CADPS: variants seen among roughly 807,000 people sequenced by gnomAD.
CADPS encodes the protein calcium-dependent secretion activator 1.
A neutral mutation model predicts 167.3 loss-of-function variants in CADPS; 57 were observed. The observed-to-expected ratio is 0.34, with a 90% CI of 0.28 to 0.42. The LOEUF is 0.42. CADPS is among the 20% of genes least tolerant of loss of function. The pLI is 1.00. For missense variants in CADPS, 1,414 were observed against 1,738.1 expected (o/e 0.81, Z 3.32); for synonymous variants, 676 against 635.3 (o/e 1.06, Z -0.96).
At chr3:62,660,205 A>G (rs1244662958) in intron 4 of CADPS, among the ~76,000 whole-genome samples, 1 of 152,182 alleles carries the variant, frequency 6.6e-6, no homozygotes, top group Non-Finnish European at 1.5e-5. Context: ...AGTAAATTAA[A>G]GGTGCCATGA....
At chr3:62,628,562 C>T (rs2064577731) in intron 6 of CADPS, among the ~76,000 whole-genome samples, 1 of 150,872 alleles carries the variant, frequency 6.6e-6, no homozygotes, top group Non-Finnish European at 1.5e-5. Context: ...CTGTTTTGCC[C>T]CTACTGCTTC....
chr3:62,512,141 G>C (rs545163098), intron 17 of CADPS, among the ~76,000 whole-genome samples: 1 of 152,100 alleles, frequency 6.6e-6, no homozygotes, highest in Admixed American at 6.6e-5. Flanking sequence ...ATTTATTAAA[G>C]TTTTAAGTCA....
chr3:62,476,587 C>T (rs1402597620), intron 23 of CADPS, among the ~76,000 whole-genome samples: 3 of 152,144 alleles, frequency 2.0e-5, no homozygotes, highest in Non-Finnish European at 4.4e-5. Flanking sequence ...CTGTGCAGCT[C>T]ACCCTCTTTA....
intron 3 of CADPS, among the ~76,000 whole-genome samples, chr3:62,667,911 C>T (rs113846258): frequency 7.1e-4 from 108 of 152,246 alleles, no homozygotes; most frequent in African/African-American, 2.4e-3. Context: ...AAGAAATTGT[C>T]AAAGGGCCTG....
chr3:62,668,349 C>A (rs1408547430), intron 3 of CADPS, among the ~76,000 whole-genome samples: 1 of 152,120 alleles, frequency 6.6e-6, no homozygotes, highest in African/African-American at 2.4e-5. Context: ...GGTGTGGCCC[C>A]CTGCTGAGCT....
At position 62,474,170 on chromosome 3, in the gene CADPS, T is replaced by TTTTTTTTTTTTTTTTTTTTTTG; in HGVS notation, c.3477+2_3477+3insCAAAAAAAAAAAAAAAAAAAAA. On this transcript the variant is annotated splice_region_variant and intron_variant, in intron 24 of 29. Transcript: ENST00000383710. ...AAATCTGTATTTTTTTTTTTTTTTT[T>TTTTTTTTTTTTTTTTTTTTTTG]ACCTCTTGGCCCATTTCCATGCTGC... 6.8e-7 allele frequency: 1 copy of TTTTTTTTTTTTTTTTTTTTTTG among 1,475,400 alleles called. No individual in the cohort carries two copies. The highest frequency in any genetic ancestry group is 2.4e-5 in the East Asian group (1 of 41,320). 91.4% of individuals were successfully genotyped at this position (1,475,400 alleles called of 1,614,324 possible).
intron 1 of CADPS, among the ~76,000 whole-genome samples, chr3:62,843,521 A>G (rs62242385): frequency 4.9e-5 from 6 of 123,244 alleles, no homozygotes; most frequent in South Asian, 2.7e-4. Context: ...GTGTGTGTCT[A>G]TGTGTGTACA....
intron 6 of CADPS, among the ~76,000 whole-genome samples, chr3:62,600,218 G>A (rs2059760061): frequency 1.3e-5 from 2 of 150,936 alleles, no homozygotes; most frequent in African/African-American, 4.9e-5. Flanking sequence ...GCATGCAGAG[G>A]ATACTCAGCA....
chr3:62,834,311 G>T (rs1000130053), intron 1 of CADPS, among the ~76,000 whole-genome samples: 2 of 152,082 alleles, frequency 1.3e-5, no homozygotes, highest in African/African-American at 4.8e-5. Flanking sequence ...GCTTTCAACT[G>T]GCCCCATCTA....
chr3:62,700,025 C>A (rs925900876), intron 3 of CADPS, among the ~76,000 whole-genome samples: 1 of 152,128 alleles, frequency 6.6e-6, no homozygotes, highest in Non-Finnish European at 1.5e-5. Flanking sequence ...TGTTTGCCAA[C>A]CCCTATTCTA....
chr3:62,761,729 C>T (rs1348657120), intron 2 of CADPS, among the ~76,000 whole-genome samples: 3 of 151,856 alleles, frequency 2.0e-5, no homozygotes, highest in Non-Finnish European at 4.4e-5. Context: ...ATATTTTGGA[C>T]ATTTTTCTTA....
At chr3:62,499,688 T>C (rs2065406194) in intron 17 of CADPS, 2 of 154,176 alleles carry the variant, frequency 1.3e-5, no homozygotes. Context: ...AGTTATTAAA[T>C]GCTACAGCGT....
rs1384691542 is a variant in CADPS at position 62,499,261 on chromosome 3, T to A, written c.2607A>T (p.Val869=). ...IEENQKDAEN[V]GRLITPAKKL... is the part of the protein sequence containing the mutation. The stretch of plus-strand genomic sequence containing the variant: ...TTTTGGCAGGAGTGATTAACCGGCC[T>A]ACATTTTCTGTAGTACAAGAGTTTG... Residue 869 remains valine (V), a synonymous_variant, in exon 18 of 30, where the codon GTA becomes GTT. Coordinates refer to ENST00000383710, the MANE Select transcript of CADPS (RefSeq NM_003716.4). 6.2e-7 allele frequency: 1 copy of A among 1,608,870 alleles called. No homozygotes were observed. Among genetic ancestry groups the A allele is most frequent in the African/African-American group, 1.3e-5 (1 of 74,814 alleles).
chr3:62,809,054 G>A (rs980396338), intron 1 of CADPS, among the ~76,000 whole-genome samples: 5 of 152,008 alleles, frequency 3.3e-5, no homozygotes, highest in African/African-American at 1.2e-4. Context: ...GTTCTGTTGA[G>A]TCTATTGCCA....
At chr3:62,823,906 A>G (rs2073496818) in intron 1 of CADPS, among the ~76,000 whole-genome samples, 1 of 152,126 alleles carries the variant, frequency 6.6e-6, no homozygotes, top group Non-Finnish European at 1.5e-5. Flanking sequence ...GCAGGTTTAC[A>G]AGTTGCATGA....
chr3:62,829,673 C>T (rs921657389), intron 1 of CADPS, among the ~76,000 whole-genome samples: 5 of 152,138 alleles, frequency 3.3e-5, no homozygotes, highest in Non-Finnish European at 7.4e-5. Flanking sequence ...TTACTAGACA[C>T]TCTCTGGGTT....
chr3:62,859,270 A>G (rs2080301931), intron 1 of CADPS, among the ~76,000 whole-genome samples: 1 of 152,154 alleles, frequency 6.6e-6, no homozygotes, highest in African/African-American at 2.4e-5. Flanking sequence ...TTGGTCTAAT[A>G]TTTAACTTAT....
In CADPS at chr3:62,547,591, C is replaced by G. The variant is rs111244449; in HGVS notation, c.1966+2312G>C. Among the ~76,000 whole-genome samples the G allele has an allele frequency of 9.6e-5, 8 of 83,710 alleles. 1 individual carries two copies. Among genetic ancestry groups the G allele is most frequent in the Middle Eastern group, 4.0e-3 (1 of 250 alleles). 54.9% of individuals were successfully genotyped at this position (83,710 alleles called of 152,430 possible). ...CTAGGGATGATATCATTTACGCCCC[C>G]CCCCCCCCGCAAATTCTAACTCTTA... On this transcript the variant is annotated intron_variant, in intron 11 of 29. Transcript: ENST00000383710.
Position 62,601,529 on chromosome 3 carries a change from C to CA in CADPS, c.1326-8782dup, listed in dbSNP as rs2059971094. On this transcript the variant is annotated intron_variant, in intron 6 of 29. Transcript: ENST00000383710. The surrounding 1 kb of genome is among the most constrained non-coding windows in gnomAD (Gnocchi z 4.3). ...CAAAGACGAACTATAAACATGCACTCACAAAGACAGCTGACCCCATGGGGA... is the reference window on the plus strand; with the variant it reads ...CAAAGACGAACTATAAACATGCACTCAACAAAGACAGCTGACCCCATGGGGA... Among the ~76,000 whole-genome samples, 1 of 152,208 alleles carries CA rather than the reference C, an allele frequency of 6.6e-6. No individual in the cohort carries two copies. Among genetic ancestry groups the CA allele is most frequent in the Admixed American group, 6.5e-5 (1 of 15,278 alleles).
Sources: gnomAD v4.1 joint callset for allele counts (sites outside exome capture counted in the v4.1 genomes callset) on GRCh38, gnomAD v4.1.1 for gene constraint, Gnocchi (gnomAD v3.1) non-coding constraint, MANE v1.5 for transcripts, NCBI Gene and HGNC (gene_info 2026-07-23, HGNC 2026-07-21) for gene names.